GALNT18: variants seen among roughly 807,000 people sequenced by gnomAD.
GALNT18 encodes GalNAc-transferase 18.
A neutral mutation model predicts 69.5 loss-of-function variants in GALNT18; 44 were observed. The ratio of observed to expected loss-of-function variants is 0.63; its 90% CI spans 0.50 to 0.81. GALNT18 has a LOEUF of 0.81. GALNT18 is among the 40% of genes least tolerant of loss of function. The pLI is 0.00. For synonymous variants in GALNT18, 364 were observed against 318.2 expected (o/e 1.14, Z -1.53); for missense variants, 715 against 810.0 (o/e 0.88, Z 1.42).
chr11:11,355,887 C>T (rs1276573064), intron 6 of GALNT18, among the ~76,000 whole-genome samples: 1 of 152,142 alleles, frequency 6.6e-6, no homozygotes, highest in African/African-American at 2.4e-5. Context: ...AGAGGCAAGA[C>T]CTAAAGGAGT....
At chr11:11,371,552 G>T (rs1850904814) in intron 6 of GALNT18, among the ~76,000 whole-genome samples, 1 of 143,736 alleles carries the variant, frequency 7.0e-6, no homozygotes, top group South Asian at 2.1e-4. Flanking sequence ...GTAGGCACAG[G>T]GTTCTCTCCA....
At chr11:11,273,013 T>C (rs1458945617) in intron 10 of GALNT18, among the ~76,000 whole-genome samples, 1 of 152,172 alleles carries the variant, frequency 6.6e-6, no homozygotes, top group African/African-American at 2.4e-5. Context: ...GCCCTATCTC[T>C]CGCTATATAT....
rs554322263 is a variant in GALNT18, at chr11:11,591,474, T to C, written c.235+29885A>G. Among the ~76,000 whole-genome samples the C allele has an allele frequency of 3.3e-5, 5 of 152,282 alleles. No individual in the cohort carries two copies. The highest frequency in any genetic ancestry group is 4.4e-5 in the Non-Finnish European group (3 of 68,024). ...GTTTCTCAGGCTCCTCATTTGTAAA[T>C]GCAAATTATTCCAATCACATCCTTC... On this transcript the variant is annotated intron_variant, in intron 1 of 10. Transcript: ENST00000227756. This position sits in a 1 kb window ranked among gnomAD's most constrained non-coding sequence, Gnocchi z 4.8.
chr11:11,484,549 C>A (rs1361364431), intron 1 of GALNT18, among the ~76,000 whole-genome samples: 1 of 147,254 alleles, frequency 6.8e-6, no homozygotes, highest in African/African-American at 2.5e-5. Flanking sequence ...GCCGAGATCA[C>A]GCCATTGCAC....
Position 11,543,850 on chromosome 11 carries a change from A to G in GALNT18, c.235+77509T>C, listed in dbSNP as rs887934650. Among the ~76,000 whole-genome samples, 6 of 152,134 alleles carry G rather than the reference A, an allele frequency of 3.9e-5. No homozygotes were observed. Among genetic ancestry groups the G allele is most frequent in the South Asian group, 2.1e-4 (1 of 4,824 alleles). ...TCTTCTTCTGGCGCTCTGGGCTCCA[A>G]TGGCTTCTGGTAATATTTGCTCTTC... On this transcript the variant is annotated intron_variant, in intron 1 of 10. Coordinates refer to ENST00000227756, the MANE Select transcript of GALNT18 (RefSeq NM_198516.3). The surrounding 1 kb of genome is among the most constrained non-coding windows in gnomAD (Gnocchi z 5.1).
At position 11,490,225 on chromosome 11, in the gene GALNT18, T is replaced by A. The variant is rs1255443972; in HGVS notation, c.236-41289A>T. Among the ~76,000 whole-genome samples, 89 of 77,024 alleles carry A rather than the reference T, an allele frequency of 1.2e-3. 1 individual carries two copies. The South Asian group carries it at 0.019, about 16-fold the overall frequency. 50.5% of individuals were successfully genotyped at this position (77,024 alleles called of 152,430 possible). On this transcript the variant is annotated intron_variant, in intron 1 of 10. Transcript: ENST00000227756. ...TTCTCTCTCTCTCTCTCTCTCTCTC[T>A]CTCTCTCTAACACACACACACACAC...
chr11:11,284,125 TTG>T (rs2132990324), intron 10 of GALNT18, among the ~76,000 whole-genome samples: 1 of 152,306 alleles, frequency 6.6e-6, no homozygotes, highest in Non-Finnish European at 1.5e-5. Context: ...GGCACTCAAT[TTG>T]TGTCTCAACA....
intron 1 of GALNT18, among the ~76,000 whole-genome samples, chr11:11,607,415 C>T (rs1413308989): frequency 6.6e-6 from 1 of 152,136 alleles, no homozygotes; most frequent in Non-Finnish European, 1.5e-5. Flanking sequence ...GCAAAACCAT[C>T]CCTCAGTTTT....
intron 9 of GALNT18, among the ~76,000 whole-genome samples, chr11:11,298,566 C>T (rs908613238): frequency 2.6e-5 from 4 of 152,134 alleles, no homozygotes; most frequent in South Asian, 4.1e-4. Context: ...TGCCCAGGCC[C>T]GGGAGCTTGG....
In GALNT18 at chr11:11,332,835, C is replaced by G; in HGVS notation, c.1279-4G>C. 4 of 1,612,684 alleles carry G rather than the reference C, an allele frequency of 2.5e-6. No homozygotes were observed. The highest frequency in any genetic ancestry group is 3.4e-6 in the Non-Finnish European group (4 of 1,179,954). On this transcript the variant is annotated splice_region_variant and splice_polypyrimidine_tract_variant and intron_variant, in intron 7 of 10. Transcript: ENST00000227756. This position sits in a 1 kb window ranked among gnomAD's most constrained non-coding sequence, Gnocchi z 4.3. ...CCCCAATGTCAATTCCTGAGTCCTG[C>G]ACAGGGACGCAGAAGCAGAGATGAA... is the stretch of plus-strand genomic sequence containing the variant.
At chr11:11,422,966 C>T (rs569015306) in intron 3 of GALNT18, among the ~76,000 whole-genome samples, 1 of 152,156 alleles carries the variant, frequency 6.6e-6, no homozygotes, top group East Asian at 1.9e-4. Context: ...GAGGCTCAAC[C>T]CATTGTTAGT....
chr11:11,453,089 G>T (rs956451835), intron 1 of GALNT18, among the ~76,000 whole-genome samples: 5 of 152,136 alleles, frequency 3.3e-5, no homozygotes, highest in Admixed American at 3.3e-4. Context: ...AGGATGAAAG[G>T]GAAAGTGAAG....
intron 6 of GALNT18, among the ~76,000 whole-genome samples, chr11:11,350,052 C>T (rs542515914): frequency 6.6e-5 from 10 of 152,334 alleles, no homozygotes; most frequent in African/African-American, 2.4e-4. Context: ...TCATAACTAT[C>T]AGAGGCAGCA....
intron 2 of GALNT18, among the ~76,000 whole-genome samples, chr11:11,447,348 T>C (rs1855679022): frequency 6.6e-6 from 1 of 152,058 alleles, no homozygotes; most frequent in Admixed American, 6.6e-5. Flanking sequence ...CCCAGGTGTC[T>C]CTCTCTCTCT....
intron 10 of GALNT18, among the ~76,000 whole-genome samples, chr11:11,272,963 C>A (rs1051347015): frequency 6.6e-6 from 1 of 152,060 alleles, no homozygotes; most frequent in African/African-American, 2.4e-5. Flanking sequence ...ACAGTCTTTT[C>A]AATAAATTGC....
At position 11,372,017 on chromosome 11, in the gene GALNT18, A is replaced by G. The variant is rs1850919160; in HGVS notation, c.1092+498T>C. Among the ~76,000 whole-genome samples the G allele has an allele frequency of 3.3e-5, 5 of 152,206 alleles. No individual in the cohort carries two copies. The highest frequency in any genetic ancestry group is 3.2e-3 in the Middle Eastern group (1 of 316). On this transcript the variant is annotated intron_variant, in intron 6 of 10. Transcript: ENST00000227756. The surrounding 1 kb of genome is among the most constrained non-coding windows in gnomAD (Gnocchi z 4.9). Reference sequence around the variant, plus strand: ...CACCTGGGATCAGAAAGCAGCCTGCAGTGAGCCTGGCTGCATCTTGCTGTT... The same window carrying G: ...CACCTGGGATCAGAAAGCAGCCTGCGGTGAGCCTGGCTGCATCTTGCTGTT...
chr11:11,390,291 C>T (rs1854155914), intron 3 of GALNT18, among the ~76,000 whole-genome samples: 1 of 152,196 alleles, frequency 6.6e-6, no homozygotes, highest in South Asian at 2.1e-4. Context: ...CTACCTGCTA[C>T]CTCCACCTGG....
At chr11:11,594,364 G>C (rs1859436227) in intron 1 of GALNT18, among the ~76,000 whole-genome samples, 1 of 152,092 alleles carries the variant, frequency 6.6e-6, no homozygotes, top group African/African-American at 2.4e-5. Flanking sequence ...ACAATTCAAT[G>C]GTTTTTAGTT....
intron 6 of GALNT18, among the ~76,000 whole-genome samples, chr11:11,362,651 C>T (rs987700163): frequency 6.6e-6 from 1 of 152,058 alleles, no homozygotes; most frequent in Non-Finnish European, 1.5e-5. Context: ...TCTCATCGGT[C>T]AGATTGGTTA....
Sources: gnomAD v4.1 joint callset for allele counts (sites outside exome capture counted in the v4.1 genomes callset) on GRCh38, gnomAD v4.1.1 for gene constraint, Gnocchi (gnomAD v3.1) non-coding constraint, MANE v1.5 for transcripts, NCBI Gene and HGNC (gene_info 2026-07-23, HGNC 2026-07-21) for gene names.